PLEKHA5: variants seen among roughly 807,000 people sequenced by gnomAD.
PLEKHA5 encodes the protein pleckstrin homology domain containing A5, also known as pleckstrin homology domain-containing family A member 5.
PLEKHA5 carries 55 observed loss-of-function variants against 181.9 expected under a neutral mutation model. The ratio of observed to expected loss-of-function variants is 0.30; its 90% CI spans 0.24 to 0.38. The LOEUF (loss-of-function observed/expected upper bound fraction) is 0.38. Ranked by LOEUF, PLEKHA5 falls within the 10% of genes least tolerant of loss-of-function variation. The pLI is 1.00. For synonymous variants in PLEKHA5, 535 were observed against 529.4 expected (o/e 1.01, Z -0.15); for missense variants, 1,432 against 1,549.5 (o/e 0.92, Z 1.27).
At chr12:19,165,073 T>G (rs2151550456) in intron 3 of PLEKHA5, among the ~76,000 whole-genome samples, 1 of 152,252 alleles carries the variant, frequency 6.6e-6, no homozygotes, top group South Asian at 2.1e-4. Flanking sequence ...CCCCGTTCTG[T>G]CCTTCATGAA....
At chr12:19,157,093 T>TACGTAC (rs2041931594) in intron 3 of PLEKHA5, among the ~76,000 whole-genome samples, 2 of 19,564 alleles carry the variant, frequency 1.0e-4, no homozygotes, top group African/African-American at 2.9e-4. Flanking sequence ...TATCTATATG[T>TACGTAC]ACATACACAC....
chr12:19,230,669 T>C (rs966043240), intron 3 of PLEKHA5, among the ~76,000 whole-genome samples: 5 of 152,136 alleles, frequency 3.3e-5, no homozygotes, highest in Non-Finnish European at 7.4e-5. Flanking sequence ...CCGCGGAGCC[T>C]GTGCCCACCT....
chr12:19,329,913 CA>C (rs34020561), intron 20 of PLEKHA5, among the ~76,000 whole-genome samples: 72 of 142,734 alleles, frequency 5.0e-4, no homozygotes, highest in Non-Finnish European at 6.6e-4. Flanking sequence ...TCCATCTCTA[CA>C]AAAAAAAAAG....
intron 15 of PLEKHA5, chr12:19,303,720 T>A (rs1357647114): frequency 2.6e-5 from 4 of 151,744 alleles, no homozygotes; most frequent in Non-Finnish European, 4.4e-5. Flanking sequence ...AGTAGTGGGA[T>A]CACATCTGTG....
chr12:19,289,732 C>T (rs2077989741), intron 13 of PLEKHA5, among the ~76,000 whole-genome samples: 1 of 152,004 alleles, frequency 6.6e-6, no homozygotes, highest in African/African-American at 2.4e-5. Context: ...CTTCTTTTCC[C>T]AGAGTGAAGA....
intron 3 of PLEKHA5, among the ~76,000 whole-genome samples, chr12:19,189,926 A>G (rs1029104892): frequency 4.6e-5 from 7 of 152,126 alleles, no homozygotes; most frequent in Non-Finnish European, 7.4e-5. Context: ...CCCACTTTCT[A>G]TTCTTGATCT....
intron 13 of PLEKHA5, among the ~76,000 whole-genome samples, chr12:19,289,525 C>T (rs1227754535): frequency 3.9e-5 from 6 of 152,150 alleles, no homozygotes; most frequent in Non-Finnish European, 8.8e-5. Context: ...CTGTAGCCTG[C>T]TTTCAGTTGT....
intron 3 of PLEKHA5, among the ~76,000 whole-genome samples, chr12:19,247,123 C>T (rs191948466): frequency 2.6e-5 from 4 of 152,256 alleles, no homozygotes; most frequent in African/African-American, 9.6e-5. Context: ...ATAGCAATGT[C>T]GACTCTACGA....
chr12:19,369,747 A>G lies in PLEKHA5; in HGVS notation c.3809A>G (p.Gln1270Arg). ...TCGGCATCGCCAGTTCCATCCACTC[A>G]GCCGCAGCTCACAGAAGGATCACAT... ...ESSASPVPST[Q>R]PQLTEGSHFM... Residue 1270 changes from glutamine to arginine, a missense_variant, in exon 31 of 32, where the codon CAG (glutamine) becomes CGG (arginine). By Grantham distance (43) the Gln-to-Arg change is conservative. Around this residue, in one of 2 missense-constraint regions of PLEKHA5, gnomAD observed 1,143 missense variants for 1,168.4 expected, o/e 0.98. Transcript: ENST00000429027. The G allele has an allele frequency of 6.2e-7, 1 of 1,613,252 alleles. No individual in the cohort carries two copies. Among genetic ancestry groups the G allele is most frequent in the Non-Finnish European group, 8.5e-7 (1 of 1,179,482 alleles).
intron 3 of PLEKHA5, among the ~76,000 whole-genome samples, chr12:19,140,857 C>T (rs149682682): frequency 5.8e-4 from 89 of 152,280 alleles, no homozygotes; most frequent in African/African-American, 1.9e-3. Flanking sequence ...GACTCAGTCT[C>T]GGTTCACTGC....
chr12:19,306,153 T>C lies in PLEKHA5; in HGVS notation c.2038-8661T>C, dbSNP rs552207441. On this transcript the variant is annotated intron_variant, in intron 15 of 31. Transcript: ENST00000429027. The stretch of plus-strand genomic sequence containing the variant: ...GAAGAGGCCAGGATTAAGTATCAGA[T>C]TTTCTAGATAGTTTTTCTAAACATT... 2.0e-5 allele frequency among the ~76,000 whole-genome samples: 3 copies of C among 152,244 alleles called. No homozygotes were observed. In the East Asian group the frequency reaches 5.8e-4, roughly 29 times the overall value.
In PLEKHA5 at chr12:19,129,780, G is replaced by T. The variant is rs773861210; in HGVS notation, c.-20G>T. ...GCGGCGGCAGCAGGAGAAGGCGGCG[G>T]CGGCGGCTAGGGATCAGACATGGCG... On this transcript the variant is annotated 5_prime_UTR_variant, in exon 1 of 32. Transcript: ENST00000429027. 1 of 1,579,104 alleles carries T rather than the reference G, an allele frequency of 6.3e-7. No individual in the cohort carries two copies.
intron 28 of PLEKHA5, 44 bp downstream of exon 28, chr12:19,359,590 T>G: frequency 6.4e-7 from 1 of 1,561,678 alleles, no homozygotes; most frequent in Non-Finnish European, 8.8e-7. Context: ...GGAATAGATT[T>G]GTGAAGATTA....
At chr12:19,241,192 A>G (rs2062511545) in intron 3 of PLEKHA5, among the ~76,000 whole-genome samples, 1 of 152,194 alleles carries the variant, frequency 6.6e-6, no homozygotes, top group Non-Finnish European at 1.5e-5. Context: ...TTCAGCTGTT[A>G]TATGGTGAGG....
rs776320813 is a variant in PLEKHA5, at chr12:19,283,267, T to A, written c.1314-13T>A. ...TCCTTCATGTTTACATTTTAATTAT[T>A]TTTTTATTTTAGAGTAATTTCTTAC... On this transcript the variant is annotated splice_polypyrimidine_tract_variant and intron_variant, in intron 11 of 31. Coordinates refer to ENST00000429027, the MANE Select transcript of PLEKHA5 (RefSeq NM_001256470.2). 11 of 1,515,536 alleles carry A rather than the reference T, an allele frequency of 7.3e-6. No homozygotes were observed. The highest frequency in any genetic ancestry group is 1.7e-4 in the Middle Eastern group (1 of 5,790). The allele number at this position is 1,515,536 out of a possible 1,614,324, so 93.9% of individuals were successfully genotyped here.
chr12:19,166,964 TAAAG>T (rs2044535608), intron 3 of PLEKHA5, among the ~76,000 whole-genome samples: 2 of 152,190 alleles, frequency 1.3e-5, no homozygotes, highest in African/African-American at 4.8e-5. Flanking sequence ...CATAAACAAT[TAAAG>T]AAGTCACTAA....
intron 15 of PLEKHA5, among the ~76,000 whole-genome samples, chr12:19,305,819 C>T (rs1244783774): frequency 7.6e-6 from 1 of 131,330 alleles, no homozygotes; most frequent in African/African-American, 2.9e-5. Context: ...AAGATTGCGC[C>T]ATTGCCCTCC....
chr12:19,169,857 T>C (rs1207799194), intron 3 of PLEKHA5, among the ~76,000 whole-genome samples: 1 of 152,248 alleles, frequency 6.6e-6, no homozygotes, highest in East Asian at 1.9e-4. Flanking sequence ...TCTCATCTAC[T>C]TTGTGTAACT....
intron 3 of PLEKHA5, among the ~76,000 whole-genome samples, chr12:19,174,894 C>G (rs1418583096): frequency 6.6e-6 from 1 of 152,134 alleles, no homozygotes; most frequent in Non-Finnish European, 1.5e-5. Flanking sequence ...TCATACAACA[C>G]AGGGAAACTA....
Sources: gnomAD v4.1 joint callset for allele counts (sites outside exome capture counted in the v4.1 genomes callset) on GRCh38, gnomAD v4.1.1 for gene constraint, gnomAD v4.1.1 regional missense constraint, MANE v1.5 for transcripts, NCBI Gene and HGNC (gene_info 2026-07-23, HGNC 2026-07-21) for gene names.